SLC9B1: variants seen among roughly 807,000 people sequenced by gnomAD.
SLC9B1 encodes sodium/hydrogen exchanger 9B1.
In SLC9B1, 32 loss-of-function variants were observed where a neutral mutation model predicts 51.7. The observed-to-expected ratio is 0.62, with a 90% CI of 0.47 to 0.83. The LOEUF (loss-of-function observed/expected upper bound fraction) is 0.83, where lower values mean the gene tolerates loss of function less well. Among genes scored for constraint, SLC9B1 ranks in the 40% least tolerant of loss-of-function variants. The probability of loss-of-function intolerance (pLI) is 0.00; values close to 1 mark genes in which losing one functional copy is unlikely to be tolerated. For missense variants in SLC9B1, 406 were observed against 613.2 expected, an observed-to-expected ratio of 0.66 and a Z score of 3.57; for synonymous variants, 145 against 212.7, an observed-to-expected ratio of 0.68 and a Z score of 2.77.
chr4:102,975,859 G>A (rs930730791), intron 3 of SLC9B1, among the ~76,000 whole-genome samples: 26 of 151,680 alleles, frequency 1.7e-4, no homozygotes, highest in African/African-American at 5.6e-4. Flanking sequence ...GAACTACCAC[G>A]CCTGGCCAGA....
At chr4:102,905,879 A>G (rs1735020389) in intron 10 of SLC9B1, among the ~76,000 whole-genome samples, 1 of 152,136 alleles carries the variant, frequency 6.6e-6, no homozygotes, top group Admixed American at 6.5e-5. Context: ...AATAAGACAG[A>G]TGACATTTAT....
chr4:102,991,795 A>G, intron 1 of SLC9B1, 83 bp from the exon 2 acceptor site: 4 of 953,770 alleles, frequency 4.2e-6, no homozygotes, highest in Non-Finnish European at 6.0e-6. Flanking sequence ...AGTGGGATTA[A>G]TTTTTTAAAG....
At chr4:102,959,351 T>C (rs943220780) in intron 3 of SLC9B1, among the ~76,000 whole-genome samples, 8 of 152,198 alleles carry the variant, frequency 5.3e-5, no homozygotes, top group Non-Finnish European at 1.0e-4. Flanking sequence ...TTTTATTATC[T>C]GTAAAATGGG....
chr4:102,910,457 T>G lies in SLC9B1; in HGVS notation c.1068A>C (p.Thr356=). 6.4e-7 allele frequency: 1 copy of G among 1,551,106 alleles called. No homozygotes were observed. Among genetic ancestry groups the G allele is most frequent in the African/African-American group, 1.4e-5 (1 of 70,866 alleles). The change falls in exon 9 of 12, where the codon ACA becomes ACC. Residue 356 remains threonine (T), a synonymous_variant. Transcript: ENST00000296422. The part of the protein sequence containing the change: ...CTLVLSFIAG[T]KWSQEKMKVQ... ...TATTCACCTTTTCTTGGGACCATTT[T>G]GTCCCTGCAATGAAACTCAACACTA...
chr4:102,929,628 C>A (rs1215454401), intron 7 of SLC9B1, among the ~76,000 whole-genome samples: 1 of 152,086 alleles, frequency 6.6e-6, no homozygotes, highest in African/African-American at 2.4e-5. Context: ...TCAAGCAATT[C>A]TTGTGCCTCA....
At chr4:102,924,690 A>T (rs1421505131) in intron 7 of SLC9B1, among the ~76,000 whole-genome samples, 1 of 152,144 alleles carries the variant, frequency 6.6e-6, no homozygotes, top group Non-Finnish European at 1.5e-5. Flanking sequence ...GAATCTACAA[A>T]TAACTTAAAC....
intron 10 of SLC9B1, 131 bp from the exon 11 acceptor site, chr4:102,905,781 C>T: frequency 2.6e-6 from 2 of 782,192 alleles, no homozygotes; most frequent in South Asian, 1.8e-5. Context: ...TTATTTTTTA[C>T]ATAAAAACAA....
chr4:102,980,403 T>C (rs1489655494), intron 3 of SLC9B1, among the ~76,000 whole-genome samples: 3 of 152,198 alleles, frequency 2.0e-5, no homozygotes, highest in African/African-American at 7.2e-5. Flanking sequence ...CCATGGATAC[T>C]ATGCAGCCAT....
At chr4:102,984,313 C>T (rs1739505537) in intron 3 of SLC9B1, among the ~76,000 whole-genome samples, 1 of 152,068 alleles carries the variant, frequency 6.6e-6, no homozygotes, top group Admixed American at 6.6e-5. Flanking sequence ...GACAGGGCTT[C>T]ATCATGTTGC....
rs776703403 is a variant in SLC9B1 at position 102,945,229 on chromosome 4, A to G, written c.617T>C (p.Ile206Thr). 1.7e-5 allele frequency: 27 copies of G among 1,609,034 alleles called. No individual in the cohort carries two copies. Among genetic ancestry groups the G allele is most frequent in the Non-Finnish European group, 2.3e-5 (27 of 1,176,580 alleles). The change falls in exon 6 of 12, where the codon ATT (isoleucine) becomes ACT (threonine). Residue 206 changes from isoleucine to threonine, a missense_variant. Physicochemically the swap from Ile to Thr is moderately conservative, Grantham distance 89. Transcript: ENST00000296422. ...ASAAAVFSHF[I>T]MKFPWQWAFL... ...TGCCCATTGCCAGGGAAATTTCATA[A>G]TGAAGTGTGAAAAAACAGCAGCTGC...
intron 11 of SLC9B1, chr4:102,890,332 T>C (rs1734175694): frequency 6.6e-6 from 1 of 152,230 alleles, no homozygotes; most frequent in Non-Finnish European, 1.5e-5. Context: ...AGTCTTCCAA[T>C]AGAAATGTGC....
Position 102,946,676 on chromosome 4 carries a change from T to G in SLC9B1, c.496A>C (p.Ile166Leu), listed in dbSNP as rs371379278. 1.2e-6 allele frequency: 2 copies of G among 1,609,714 alleles called. No individual in the cohort carries two copies. Among genetic ancestry groups the G allele is most frequent in the African/African-American group, 2.7e-5 (2 of 74,694 alleles). Reference sequence around the variant, plus strand: ...GGATCGAGTCCAAGCCCAGCTCTTATTAGAATAATGGTAAGGGCAATGCTT... The same window carrying G: ...GGATCGAGTCCAAGCCCAGCTCTTAGTAGAATAATGGTAAGGGCAATGCTT... The part of the protein sequence containing the change: ...LRSIALTIIL[I>L]RAGLGLDPQA... Residue 166 changes from isoleucine (I) to leucine (L), a missense_variant, in exon 5 of 12, where the codon ATA (isoleucine) becomes CTA (leucine). Physicochemically the swap from Ile to Leu is conservative, Grantham distance 5. Transcript: ENST00000296422.
exon 12 of SLC9B1, chr4:102,885,320 T>A: frequency 6.2e-7 from 1 of 1,613,946 alleles, no homozygotes; most frequent in East Asian, 2.2e-5. Context: ...GAAGGATAGC[T>A]TGATTAATCT....
At chr4:102,950,196 C>T (rs779329282) in intron 3 of SLC9B1, among the ~76,000 whole-genome samples, 54 of 152,152 alleles carry the variant, frequency 3.5e-4, no homozygotes, top group Non-Finnish European at 7.6e-4. Flanking sequence ...GAGGAACCTA[C>T]TAAATCTTTG....
chr4:102,904,319 C>T (rs1381471852), intron 11 of SLC9B1, among the ~76,000 whole-genome samples: 1 of 151,932 alleles, frequency 6.6e-6, no homozygotes, highest in African/African-American at 2.4e-5. Context: ...CTCAGCCTCC[C>T]GAAGTGCTAG....
intron 7 of SLC9B1, among the ~76,000 whole-genome samples, chr4:102,912,504 A>T (rs531416283): frequency 8.5e-5 from 13 of 152,306 alleles, no homozygotes; most frequent in Admixed American, 2.6e-4. Context: ...AAAAAACAAA[A>T]TGAGTCACAA....
At chr4:102,931,886 G>A (rs1464796118) in intron 7 of SLC9B1, among the ~76,000 whole-genome samples, 1 of 152,152 alleles carries the variant, frequency 6.6e-6, no homozygotes, top group African/African-American at 2.4e-5. Context: ...GTAATAATAT[G>A]GTTTATCAAA....
intron 1 of SLC9B1, among the ~76,000 whole-genome samples, chr4:102,999,378 A>G (rs1354329907): frequency 1.3e-5 from 2 of 152,212 alleles, no homozygotes; most frequent in African/African-American, 2.4e-5. Flanking sequence ...GCCAAATCCA[A>G]TATCATGAAG....
At chr4:102,894,687 T>C (rs1734450438) in intron 11 of SLC9B1, among the ~76,000 whole-genome samples, 1 of 152,234 alleles carries the variant, frequency 6.6e-6, no homozygotes, top group Non-Finnish European at 1.5e-5. Flanking sequence ...CTAGGCGCAG[T>C]GGCTCATACC....
Sources: gnomAD v4.1 joint callset for allele counts (sites outside exome capture counted in the v4.1 genomes callset) on GRCh38, gnomAD v4.1.1 for gene constraint, MANE v1.5 for transcripts, NCBI Gene and HGNC (gene_info 2026-07-23, HGNC 2026-07-21) for gene names.